EBF3: variants seen among roughly 807,000 people sequenced by gnomAD.
EBF3 encodes the protein EBF transcription factor 3.
In EBF3, 18 loss-of-function variants were observed where a neutral mutation model predicts 77.1. The observed-to-expected ratio is 0.23, with a 90% CI of 0.16 to 0.35. EBF3 has a LOEUF of 0.35. Ranked by LOEUF, EBF3 falls within the 10% of genes least tolerant of loss-of-function variation. EBF3 has a pLI of 1.00. For missense variants in EBF3, 558 were observed against 860.0 expected (o/e 0.65, Z 4.39); for synonymous variants, 350 against 343.5 (o/e 1.02, Z -0.21).
chr10:129,839,140 A>G lies in EBF3; in HGVS notation c.1815T>C (p.Cys605=). ...CAAAGTGAAATATGCCACCGACTTC[A>G]CAAAAGGGCCAGTTTGTCTTCTCCG... is the stretch of plus-strand genomic sequence containing the variant. The part of the protein sequence containing the change: ...VAAEKTNWPF[C]EVGGIFHFDE... Residue 605 remains cysteine, a synonymous_variant, in exon 16 of 17, where the codon TGT becomes TGC. Coordinates refer to ENST00000440978, the MANE Select transcript of EBF3 (RefSeq NM_001375380.1). 7.7e-7 allele frequency: 1 copy of G among 1,304,472 alleles called. No homozygotes were observed. Among genetic ancestry groups the G allele is most frequent in the Non-Finnish European group, 1.0e-6 (1 of 989,008 alleles). The allele number at this position is 1,304,472 out of a possible 1,614,324, so 80.8% of individuals were successfully genotyped here.
chr10:129,960,070 C>G (rs574326679), intron 4 of EBF3, among the ~76,000 whole-genome samples: 272 of 151,822 alleles, frequency 1.8e-3, no homozygotes, highest in African/African-American at 6.2e-3. Flanking sequence ...AGCCGCCCGC[C>G]CGGGCTGGGC....
rs1003568493 is a variant in EBF3, at chr10:129,943,168, G to C, written c.554+14090C>G. 6.6e-6 allele frequency among the ~76,000 whole-genome samples: 1 copy of C among 152,222 alleles called. No individual in the cohort carries two copies. Among genetic ancestry groups the C allele is most frequent in the African/African-American group, 2.4e-5 (1 of 41,450 alleles). On this transcript the variant is annotated intron_variant, in intron 6 of 16. Coordinates refer to ENST00000440978, the MANE Select transcript of EBF3 (RefSeq NM_001375380.1). This position sits in a 1 kb window ranked among gnomAD's most constrained non-coding sequence, Gnocchi z 8.8. ...ATAAACAAGGCCCGCCAGAGCCAGAGAGCTGCCAGGCAGCTCTTCATTGGG... is the reference window on the plus strand; with the variant it reads ...ATAAACAAGGCCCGCCAGAGCCAGACAGCTGCCAGGCAGCTCTTCATTGGG...
chr10:129,843,220 A>T lies in EBF3; in HGVS notation c.1129-18T>A, dbSNP rs1850216338. 1.9e-6 allele frequency: 3 copies of T among 1,604,548 alleles called. No individual in the cohort carries two copies. The East Asian group carries it at 6.8e-5, about 36-fold the overall frequency. On this transcript the variant is annotated intron_variant, in intron 11 of 16. Transcript: ENST00000440978. ...AACACCTCCTAAAGGAAGAGCAGAC[A>T]GGAGGTGATTCATGGGAGGAACCGG...
At chr10:129,849,116 G>A (rs1392631032) in intron 10 of EBF3, among the ~76,000 whole-genome samples, 3 of 152,112 alleles carry the variant, frequency 2.0e-5, no homozygotes, top group African/African-American at 7.2e-5. Context: ...AACTGTGCGC[G>A]GCCATAAATC....
chr10:129,873,674 C>A, intron 7 of EBF3, 78 bp from the exon 8 acceptor site: 16 of 1,373,498 alleles, frequency 1.2e-5, no homozygotes, highest in Non-Finnish European at 1.5e-5. Flanking sequence ...TACAAGCCAT[C>A]TTAAATACTG....
intron 6 of EBF3, among the ~76,000 whole-genome samples, chr10:129,940,829 A>G (rs1289875741): frequency 6.6e-6 from 1 of 151,990 alleles, no homozygotes; most frequent in Non-Finnish European, 1.5e-5. Flanking sequence ...GGCACCGCCC[A>G]CCCCGGAAAC....
chr10:129,889,638 G>T, intron 6 of EBF3, among the ~76,000 whole-genome samples: 1 of 152,122 alleles, frequency 6.6e-6, no homozygotes. Context: ...AGATGCAGGG[G>T]AATCTTCCGT....
chr10:129,913,434 CTCT>C (rs1044481511), intron 6 of EBF3, among the ~76,000 whole-genome samples: 10 of 152,220 alleles, frequency 6.6e-5, no homozygotes, highest in African/African-American at 2.4e-4. Flanking sequence ...CAGCAGCATC[CTCT>C]TCTTTTCTTG....
intron 10 of EBF3, among the ~76,000 whole-genome samples, chr10:129,859,295 C>T (rs1377624083): frequency 6.6e-6 from 1 of 152,190 alleles, no homozygotes; most frequent in Admixed American, 6.5e-5. Flanking sequence ...AATCTCGGCT[C>T]ACTGCAGCCT....
Position 129,944,193 on chromosome 10 carries a change from C to T in EBF3, c.554+13065G>A, listed in dbSNP as rs912570675. On this transcript the variant is annotated intron_variant, in intron 6 of 16. Coordinates refer to ENST00000440978, the MANE Select transcript of EBF3 (RefSeq NM_001375380.1). This position sits in a 1 kb window ranked among gnomAD's most constrained non-coding sequence, Gnocchi z 5.1. Reference sequence around the variant, plus strand: ...CAAGAATAAAATCAATTTGCAAGGCCGGTCCGGCATCCAGTTACAATAACA... The same window carrying T: ...CAAGAATAAAATCAATTTGCAAGGCTGGTCCGGCATCCAGTTACAATAACA... Among the ~76,000 whole-genome samples, 5 of 152,094 alleles carry T rather than the reference C, an allele frequency of 3.3e-5. No homozygotes were observed. Among genetic ancestry groups the T allele is most frequent in the African/African-American group, 7.2e-5 (3 of 41,398 alleles).
At chr10:129,902,036 A>G (rs1854820570) in intron 6 of EBF3, among the ~76,000 whole-genome samples, 1 of 152,178 alleles carries the variant, frequency 6.6e-6, no homozygotes, top group Non-Finnish European at 1.5e-5. Flanking sequence ...AGCTGAGGTG[A>G]TGCTTTTAAT....
In EBF3 at chr10:129,863,065, C is replaced by T. The variant is rs1251754596; in HGVS notation, c.1039+4076G>A. 2.6e-5 allele frequency among the ~76,000 whole-genome samples: 4 copies of T among 152,156 alleles called. No individual in the cohort carries two copies. Among genetic ancestry groups the T allele is most frequent in the African/African-American group, 9.7e-5 (4 of 41,444 alleles). On this transcript the variant is annotated intron_variant, in intron 10 of 16. Coordinates refer to ENST00000440978, the MANE Select transcript of EBF3 (RefSeq NM_001375380.1). The surrounding 1 kb of genome is among the most constrained non-coding windows in gnomAD (Gnocchi z 4.0). ...TATCTCATTAATTTAATTTTAGGTG[C>T]CCACCAGTTTATATTGCATTTTACA...
chr10:129,935,984 CCCG>C lies in EBF3; in HGVS notation c.554+21271_554+21273del, dbSNP rs199722348. Among the ~76,000 whole-genome samples the C allele has an allele frequency of 1.7e-4, 25 of 150,882 alleles. No individual in the cohort carries two copies. Among genetic ancestry groups the C allele is most frequent in the African/African-American group, 6.0e-4 (24 of 40,188 alleles). On this transcript the variant is annotated intron_variant, in intron 6 of 16. Transcript: ENST00000440978. This position sits in a 1 kb window ranked among gnomAD's most constrained non-coding sequence, Gnocchi z 4.2. ...CGGGGGGCTTCCTGAAGCTGCCCCC[CCCG>C]CCCAACAATGCAGCTGGTGCCCAGG... is the stretch of plus-strand genomic sequence containing the variant.
intron 6 of EBF3, among the ~76,000 whole-genome samples, chr10:129,951,774 C>G (rs934789272): frequency 1.2e-4 from 19 of 152,260 alleles, no homozygotes; most frequent in African/African-American, 4.6e-4. Context: ...ACACCCGCAT[C>G]TCAAGCTTAT....
intron 6 of EBF3, among the ~76,000 whole-genome samples, chr10:129,956,201 C>T (rs1859022840): frequency 6.6e-6 from 1 of 152,234 alleles, no homozygotes; most frequent in Admixed American, 6.5e-5. Context: ...AGGCTTAACT[C>T]ATGGAGTTTT....
Position 129,848,965 on chromosome 10 carries a change from G to C in EBF3, c.1040-485C>G, listed in dbSNP as rs562870016. On this transcript the variant is annotated intron_variant, in intron 10 of 16. Coordinates refer to ENST00000440978, the MANE Select transcript of EBF3 (RefSeq NM_001375380.1). The surrounding 1 kb of genome is among the most constrained non-coding windows in gnomAD (Gnocchi z 4.4). The stretch of plus-strand genomic sequence containing the variant: ...CAGGAGGAGCACTTATTCTTGCAAA[G>C]CTTTAATAATCTGTGAATGGCTGCC... Among the ~76,000 whole-genome samples the C allele has an allele frequency of 6.6e-6, 1 of 152,342 alleles. No individual in the cohort carries two copies. The highest frequency in any genetic ancestry group is 1.9e-4 in the East Asian group (1 of 5,182).
At chr10:129,873,424 TAA>T (rs1362199831) in intron 8 of EBF3, 26 bp downstream of exon 8, 1 of 1,481,896 alleles carries the variant, frequency 6.7e-7, no homozygotes, top group African/African-American at 1.4e-5. Context: ...GCATCGCAAA[TAA>T]AAAAAGACAT....
intron 6 of EBF3, among the ~76,000 whole-genome samples, chr10:129,909,460 G>C (rs1052313238): frequency 2.0e-5 from 3 of 152,182 alleles, no homozygotes; most frequent in African/African-American, 4.8e-5. Flanking sequence ...CACTCCCTCG[G>C]AACAGCAGCC....
intron 6 of EBF3, among the ~76,000 whole-genome samples, chr10:129,951,431 C>A (rs1351095920): frequency 6.6e-6 from 1 of 152,268 alleles, no homozygotes; most frequent in African/African-American, 2.4e-5. Context: ...CTTGCCTCCA[C>A]CCCTGCACGT....
Sources: allele counts gnomAD v4.1 joint callset (sites outside exome capture counted in the v4.1 genomes callset), GRCh38; gene constraint gnomAD v4.1.1; non-coding constraint Gnocchi (gnomAD v3.1); transcripts MANE v1.5; gene names NCBI Gene and HGNC (gene_info 2026-07-23, HGNC 2026-07-21).